ERGIC3: variants seen among roughly 807,000 people sequenced by gnomAD.
ERGIC3 encodes the protein endoplasmic reticulum-Golgi intermediate compartment protein 3.
ERGIC3 carries 33 observed loss-of-function variants against 54.7 expected under a neutral mutation model. The ratio of observed to expected loss-of-function variants is 0.60; its 90% confidence interval spans 0.46 to 0.81. The LOEUF (loss-of-function observed/expected upper bound fraction) is 0.81, where lower values mean the gene tolerates loss of function less well. ERGIC3 is among the 30% of genes least tolerant of loss of function. ERGIC3 has a pLI of 0.00. For synonymous variants in ERGIC3, 186 were observed against 189.8 expected (o/e 0.98, Z 0.16); for missense variants, 399 against 488.4 (o/e 0.82, Z 1.73).
chr20:35,556,871 G>A (rs1450883097), intron 10 of ERGIC3, 102 bp from the exon 11 acceptor site: 3 of 1,535,620 alleles, frequency 2.0e-6, no homozygotes, highest in Middle Eastern at 1.7e-4. Flanking sequence ...TCCTTACACG[G>A]CCAAGGCTCA....
At chr20:35,553,297 A>G (rs1275844078) in intron 7 of ERGIC3, among the ~76,000 whole-genome samples, 1 of 151,092 alleles carries the variant, frequency 6.6e-6, no homozygotes, top group Non-Finnish European at 1.5e-5. Flanking sequence ...TGCATTTTTA[A>G]GGCAGATAAA....
intron 8 of ERGIC3, among the ~76,000 whole-genome samples, chr20:35,555,757 G>C (rs1325228045): frequency 6.6e-6 from 1 of 150,548 alleles, no homozygotes; most frequent in Non-Finnish European, 1.5e-5. Context: ...AGGCTGCAGT[G>C]AGCCAAGATC....
chr20:35,545,495 A>C (rs2064643924), intron 4 of ERGIC3: 1 of 152,242 alleles, frequency 6.6e-6, no homozygotes, highest in Admixed American at 6.5e-5. Context: ...TGAACCAGAG[A>C]GGCAGAGGTT....
chr20:35,542,766 C>G, intron 3 of ERGIC3, 56 bp from the exon 4 acceptor site: 1 of 1,613,750 alleles, frequency 6.2e-7, no homozygotes, highest in Middle Eastern at 1.7e-4. Context: ...CCTCCAAAAC[C>G]CACATCCCCT....
chr20:35,556,513 C>T (rs948339476), intron 10 of ERGIC3: 19 of 551,536 alleles, frequency 3.4e-5, no homozygotes, highest in Non-Finnish European at 5.8e-5. Context: ...CTCCGGTGCC[C>T]ACCGTCTGCC....
intron 8 of ERGIC3, among the ~76,000 whole-genome samples, chr20:35,555,445 G>C (rs2064705765): frequency 1.3e-5 from 2 of 152,210 alleles, no homozygotes; most frequent in South Asian, 4.1e-4. Flanking sequence ...TTTCTCATGA[G>C]AACAGTGGAA....
At chr20:35,556,883 CAG>C in intron 10 of ERGIC3, 88 bp from the exon 11 acceptor site, 1 of 1,575,400 alleles carries the variant, frequency 6.3e-7, no homozygotes, top group South Asian at 1.1e-5. Flanking sequence ...CAAGGCTCAA[CAG>C]GAAAGGGGAA....
At chr20:35,543,143 C>A in intron 4 of ERGIC3, 1 of 586,782 alleles carries the variant, frequency 1.7e-6, no homozygotes. Context: ...AGGTAATCTA[C>A]CTGGCTATTA....
chr20:35,542,991 A>G lies in ERGIC3; in HGVS notation c.367+50A>G, dbSNP rs369956638. On this transcript the variant is annotated intron_variant, in intron 4 of 12. Coordinates refer to ENST00000348547, the MANE Select transcript of ERGIC3 (RefSeq NM_015966.3). Reference sequence around the variant, plus strand: ...TCAGATCCCAAAGCTGGATGTACCCAAGCCTATCTGCTAGCAAGTGAACTG... The same window carrying G: ...TCAGATCCCAAAGCTGGATGTACCCGAGCCTATCTGCTAGCAAGTGAACTG... The G allele has an allele frequency of 2.5e-6, 4 of 1,611,206 alleles. No individual in the cohort carries two copies. In the African/African-American group the frequency reaches 5.3e-5, roughly 22 times the overall value.
chr20:35,553,019 G>GGTTTTTTTTTTTTTTT (rs2064689546), intron 7 of ERGIC3, among the ~76,000 whole-genome samples: 6 of 12,632 alleles, frequency 4.7e-4, no homozygotes, highest in South Asian at 2.3e-3. Flanking sequence ...CAAAGCTGGG[G>GGTTTTTTTTTTTTTTT]ATTTTTTTTT....
chr20:35,554,661 G>A (rs1423660852), intron 7 of ERGIC3, among the ~76,000 whole-genome samples: 1 of 152,228 alleles, frequency 6.6e-6, no homozygotes, highest in Non-Finnish European at 1.5e-5. Context: ...CAGGGAAAGT[G>A]TGGATGGCAT....
chr20:35,542,850 C>T lies in ERGIC3; in HGVS notation c.276C>T (p.Ala92=), dbSNP rs766698322. 1.2e-6 allele frequency: 2 copies of T among 1,613,834 alleles called. No homozygotes were observed. The highest frequency in any genetic ancestry group is 2.7e-5 in the African/African-American group (2 of 74,828). The change falls in exon 4 of 13, where the codon GCC becomes GCT. Residue 92 remains alanine, a synonymous_variant. Transcript: ENST00000348547. ...TGAGTATTGATGCCATGGATGTGGC[C>T]GGAGAACAGCAGCTGGATGTGGAAC... ...AYLSIDAMDV[A]GEQQLDVEHN... is the part of the protein sequence containing the mutation.
At chr20:35,555,147 A>G in intron 8 of ERGIC3, 72 bp downstream of exon 8, 1 of 1,560,480 alleles carries the variant, frequency 6.4e-7, no homozygotes, top group Non-Finnish European at 8.8e-7. Context: ...ATTTCCTTGT[A>G]GGAACATCCT....
At chr20:35,546,499 T>G (rs748773583) in intron 4 of ERGIC3, among the ~76,000 whole-genome samples, 1 of 152,088 alleles carries the variant, frequency 6.6e-6, no homozygotes, top group Non-Finnish European at 1.5e-5. Context: ...GTGAACTGAT[T>G]AGAGAAATGA....
intron 10 of ERGIC3, 93 bp downstream of exon 10, chr20:35,556,364 G>A (rs1489963374): frequency 7.4e-7 from 1 of 1,347,468 alleles, no homozygotes; most frequent in African/African-American, 1.4e-5. Flanking sequence ...AGTGAAAGCT[G>A]CCTCGTCCTC....
Position 35,557,070 on chromosome 20 carries a change from A to C in ERGIC3, c.977A>C (p.Glu326Ala). Residue 326 changes from glutamate to alanine, a missense_variant, in exon 11 of 13, where the codon GAG (glutamate) becomes GCG (alanine). By Grantham distance (107) the Glu-to-Ala change is moderately radical. Transcript: ENST00000348547. ...CTTCCCGGAGTCTTCGTCCTCTATG[A>C]GCTCTCGCCCATGATGGTGAAGCTG... Reference protein sequence around the residue: ...QGLPGVFVLYELSPMMVKLTE... With the variant: ...QGLPGVFVLYALSPMMVKLTE... 6.2e-7 allele frequency: 1 copy of C among 1,614,136 alleles called. No homozygotes were observed. The highest frequency in any genetic ancestry group is 1.1e-5 in the South Asian group (1 of 91,086).
At position 35,542,929 on chromosome 20, in the gene ERGIC3, G is replaced by C. The variant is rs754820185; in HGVS notation, c.355G>C (p.Ala119Pro). Residue 119 changes from alanine to proline, a missense_variant, in exon 4 of 13, where the codon GCT becomes CCT. By Grantham distance (27) the Ala-to-Pro change is conservative (BLOSUM62 -1). Transcript: ENST00000348547. ...AGATGGCATCCCCGTGAGCTCAGAG[G>C]CTGAGCGGCATGGTAACCAGGGGAG... ...DKDGIPVSSE[A>P]ERHELGKVEV... is the part of the protein sequence containing the mutation. The C allele has an allele frequency of 2.7e-5, 44 of 1,613,894 alleles. No individual in the cohort carries two copies. Among genetic ancestry groups the C allele is most frequent in the Non-Finnish European group, 3.6e-5 (43 of 1,179,974 alleles).
chr20:35,557,634 A>G lies in ERGIC3; in HGVS notation c.*130A>G, dbSNP rs761989671. ...AAATCTATTGATTGATTGTGATAGT[A>G]CTCACTGGTCTCCGTGTGATCCTTG... On this transcript the variant is annotated 3_prime_UTR_variant, in exon 13 of 13. Transcript: ENST00000348547. 1.6e-5 allele frequency: 12 copies of G among 759,672 alleles called. No homozygotes were observed. Among genetic ancestry groups the G allele is most frequent in the Non-Finnish European group, 2.4e-5 (11 of 451,062 alleles). The allele number at this position is 759,672 out of a possible 1,614,324, so 47.1% of individuals were successfully genotyped here.
In ERGIC3 at chr20:35,557,098, G is replaced by T. The variant is rs370108311; in HGVS notation, c.1005G>T (p.Thr335=). The T allele has an allele frequency of 1.8e-5, 29 of 1,614,238 alleles. No homozygotes were observed. The African/African-American group carries it at 3.2e-4, about 18-fold the overall frequency. ...TCTCGCCCATGATGGTGAAGCTGAC[G>T]GAGAAGCACAGGTGAGGATGGGGGC... is the stretch of plus-strand genomic sequence containing the variant. ...YELSPMMVKL[T]EKHRSFTHFL... Residue 335 remains threonine, a synonymous_variant, in exon 11 of 13, where the codon ACG becomes ACT. Coordinates refer to ENST00000348547, the MANE Select transcript of ERGIC3 (RefSeq NM_015966.3).
Sources: allele counts gnomAD v4.1 joint callset (sites outside exome capture counted in the v4.1 genomes callset), GRCh38; gene constraint gnomAD v4.1.1; transcripts MANE v1.5; gene names NCBI Gene and HGNC (gene_info 2026-07-23, HGNC 2026-07-21).